The following KCNIP4 variants were observed in gnomAD, a reference collection of about 807,000 sequenced individuals.
KCNIP4 encodes Kv channel-interacting protein 4.
A neutral mutation model predicts 34.0 loss-of-function variants in KCNIP4; 12 were observed. That is an observed-to-expected ratio of 0.35 (90% CI 0.23 to 0.57). KCNIP4 has a LOEUF of 0.57. KCNIP4 is among the 20% of genes least tolerant of loss of function. KCNIP4 has a pLI of 0.83. For missense variants in KCNIP4, 238 were observed against 311.7 expected, an observed-to-expected ratio of 0.76 and a Z score of 1.78; for synonymous variants, 124 against 102.2, an observed-to-expected ratio of 1.21 and a Z score of -1.29.
chr4:21,893,380 C>T (rs1727214458), intron 1 of KCNIP4, among the ~76,000 whole-genome samples: 1 of 152,140 alleles, frequency 6.6e-6, no homozygotes, highest in African/African-American at 2.4e-5. Flanking sequence ...CTTCTGACAT[C>T]CTTTTCATGT....
At chr4:21,104,988 G>T (rs1429689242) in intron 1 of KCNIP4, among the ~76,000 whole-genome samples, 4 of 151,684 alleles carry the variant, frequency 2.6e-5, no homozygotes, top group Non-Finnish European at 5.9e-5. Context: ...TGCTGTTTTA[G>T]TTGCTGTAGC....
chr4:21,451,525 C>A (rs529905240), intron 1 of KCNIP4, among the ~76,000 whole-genome samples: 1 of 152,068 alleles, frequency 6.6e-6, no homozygotes, highest in African/African-American at 2.4e-5. Context: ...ATGAAAAAAT[C>A]CCTATTTTTC....
chr4:21,222,227 A>G (rs59156941), intron 1 of KCNIP4, among the ~76,000 whole-genome samples: 4,271 of 152,228 alleles, frequency 0.028, 202 homozygotes, highest in African/African-American at 0.098. Flanking sequence ...TTTTTGTTGT[A>G]TTTTAGAGTG....
intron 1 of KCNIP4, among the ~76,000 whole-genome samples, chr4:21,638,370 T>A (rs961248269): frequency 6.6e-6 from 1 of 152,330 alleles, no homozygotes; most frequent in Non-Finnish European, 1.5e-5. Context: ...AAAGATTTTT[T>A]TTCTCTGGCT....
chr4:21,801,623 T>TTATTA (rs1412270607), intron 1 of KCNIP4, among the ~76,000 whole-genome samples: 4 of 151,626 alleles, frequency 2.6e-5, no homozygotes, highest in Non-Finnish European at 5.9e-5. Context: ...TATTATTATT[T>TTATTA]TTTGAGATGG....
chr4:20,910,962 G>T (rs553396100), intron 1 of KCNIP4, among the ~76,000 whole-genome samples: 8 of 152,184 alleles, frequency 5.3e-5, no homozygotes, highest in Middle Eastern at 3.4e-3. Context: ...ATTAAAAAAA[G>T]GGATATCTTC....
rs905205654 is a variant in KCNIP4, at chr4:21,833,403, C to G, written c.61+115168G>C. On this transcript the variant is annotated intron_variant, in intron 1 of 8. Transcript: ENST00000382152. ...ATAAATGTCTTCTTTTGAGAAGTGTCTGTTCATGTCCTTTGCCCACTTTTT... is the reference window on the plus strand; with the variant it reads ...ATAAATGTCTTCTTTTGAGAAGTGTGTGTTCATGTCCTTTGCCCACTTTTT... 2.6e-3 allele frequency among the ~76,000 whole-genome samples: 390 copies of G among 152,222 alleles called. 2 individuals are homozygous for G. The highest frequency in any genetic ancestry group is 4.5e-3 in the Non-Finnish European group (305 of 68,004).
chr4:21,438,787 CAACATTGCTTTAAAAA>C, intron 1 of KCNIP4, among the ~76,000 whole-genome samples: 1 of 152,116 alleles, frequency 6.6e-6, no homozygotes, highest in African/African-American at 2.4e-5. Flanking sequence ...ATAACTTAGG[CAACATTGCTTTAAAAA>C]AACAATTTCA....
intron 3 of KCNIP4, among the ~76,000 whole-genome samples, chr4:20,785,978 A>G (rs1711931161): frequency 6.6e-6 from 1 of 152,160 alleles, no homozygotes; most frequent in Non-Finnish European, 1.5e-5. Context: ...AAATTGTTCT[A>G]CTAAAAAGAC....
At chr4:20,864,375 C>T (rs1052533186) in intron 2 of KCNIP4, among the ~76,000 whole-genome samples, 21 of 150,476 alleles carry the variant, frequency 1.4e-4, no homozygotes, top group African/African-American at 4.9e-4. Flanking sequence ...GTATGTTATA[C>T]ATTTTATATA....
At chr4:21,492,388 A>T (rs1214456008) in intron 1 of KCNIP4, among the ~76,000 whole-genome samples, 1 of 151,778 alleles carries the variant, frequency 6.6e-6, no homozygotes, top group East Asian at 1.9e-4. Context: ...TTAATTTTTT[A>T]TTTTATTTTA....
At chr4:21,833,977 C>A (rs1723161733) in intron 1 of KCNIP4, among the ~76,000 whole-genome samples, 1 of 151,770 alleles carries the variant, frequency 6.6e-6, no homozygotes, top group Admixed American at 6.6e-5. Flanking sequence ...CAGTACCATG[C>A]TGTTTTGGTT....
chr4:21,149,424 A>C (rs903122816), intron 1 of KCNIP4, among the ~76,000 whole-genome samples: 3 of 152,146 alleles, frequency 2.0e-5, no homozygotes, highest in African/African-American at 7.2e-5. Context: ...GATTAGTAGG[A>C]GTTATCTAGG....
chr4:21,116,930 C>A (rs968596924), intron 1 of KCNIP4, among the ~76,000 whole-genome samples: 1 of 152,004 alleles, frequency 6.6e-6, no homozygotes, highest in South Asian at 2.1e-4. Flanking sequence ...TTCTCTATCC[C>A]CACAGGGCTT....
chr4:21,083,449 C>A (rs984255210), intron 1 of KCNIP4, among the ~76,000 whole-genome samples: 7 of 151,796 alleles, frequency 4.6e-5, no homozygotes, highest in Non-Finnish European at 1.0e-4. Context: ...GAGGTTCTTG[C>A]ATTGGATTAT....
chr4:21,752,278 T>C (rs1462329666), intron 1 of KCNIP4, among the ~76,000 whole-genome samples: 1 of 152,126 alleles, frequency 6.6e-6, no homozygotes, highest in Non-Finnish European at 1.5e-5. Flanking sequence ...CTCACATTTC[T>C]GCATGGCTGA....
intron 1 of KCNIP4, among the ~76,000 whole-genome samples, chr4:21,063,480 T>G (rs959563834): frequency 6.6e-6 from 1 of 152,174 alleles, no homozygotes; most frequent in Non-Finnish European, 1.5e-5. Context: ...CCAACACTTA[T>G]TAAGTGTCTT....
intron 1 of KCNIP4, among the ~76,000 whole-genome samples, chr4:21,826,475 A>C (rs1722681890): frequency 6.6e-6 from 1 of 152,142 alleles, no homozygotes; most frequent in Admixed American, 6.6e-5. Flanking sequence ...TATCACTAAA[A>C]CAGTAACAAC....
chr4:20,874,131 C>A (rs1043375683), intron 2 of KCNIP4, among the ~76,000 whole-genome samples: 1 of 152,116 alleles, frequency 6.6e-6, no homozygotes, highest in Non-Finnish European at 1.5e-5. Flanking sequence ...GCTCATTAAT[C>A]CTTTGAGCAA....
Sources: gnomAD v4.1 joint callset for allele counts (sites outside exome capture counted in the v4.1 genomes callset) on GRCh38, gnomAD v4.1.1 for gene constraint, MANE v1.5 for transcripts, NCBI Gene and HGNC (gene_info 2026-07-23, HGNC 2026-07-21) for gene names.